MARCHF10: variants seen among roughly 807,000 people sequenced by gnomAD.
MARCHF10 encodes probable E3 ubiquitin-protein ligase MARCHF10.
MARCHF10 carries 64 observed loss-of-function variants against 76.2 expected under a neutral mutation model. The observed-to-expected ratio is 0.84, with a 90% confidence interval of 0.69 to 1.03. The LOEUF (loss-of-function observed/expected upper bound fraction) is 1.03. Among genes scored for constraint, MARCHF10 ranks in the 50% least tolerant of loss-of-function variants. The probability of loss-of-function intolerance (pLI) is 0.00; values close to 1 mark genes in which losing one functional copy is unlikely to be tolerated. For synonymous variants in MARCHF10, 340 were observed against 357.5 expected (o/e 0.95, Z 0.55); for missense variants, 875 against 958.0 (o/e 0.91, Z 1.14).
chr17:62,736,681 G>T lies in MARCHF10; in HGVS notation c.1187C>A (p.Ala396Glu). The T allele has an allele frequency of 6.2e-7, 1 of 1,614,032 alleles. No individual in the cohort carries two copies. The highest frequency in any genetic ancestry group is 8.5e-7 in the Non-Finnish European group (1 of 1,180,002). Reference protein sequence around the residue: ...TEKDRGGSENAKKSPLSWDTK... With the variant: ...TEKDRGGSENEKKSPLSWDTK... ...GTCCCACGAAAGAGGGCTCTTTTTC[G>T]CATTTTCACTGCCACCTCTGTCCTT... Residue 396 changes from alanine to glutamate, a missense_variant, in exon 6 of 11, where the codon GCG (alanine) becomes GAG (glutamate). Ala to Glu is a moderately radical substitution (Grantham distance 107). Coordinates refer to ENST00000311269, the MANE Select transcript of MARCHF10 (RefSeq NM_152598.4).
intron 9 of MARCHF10, among the ~76,000 whole-genome samples, chr17:62,708,389 G>A (rs1207798980): frequency 6.6e-6 from 1 of 152,088 alleles, no homozygotes; most frequent in African/African-American, 2.4e-5. Flanking sequence ...GGGGCTACAG[G>A]TGCACGCTGC....
At chr17:62,710,550 C>CTTTTTTTTTTTT (rs552647502) in intron 9 of MARCHF10, among the ~76,000 whole-genome samples, 2 of 88,620 alleles carry the variant, frequency 2.3e-5, no homozygotes, top group African/African-American at 1.0e-4. Context: ...TTGAACCCAG[C>CTTTTTTTTTTTT]TTTTTTTTTT....
intron 8 of MARCHF10, among the ~76,000 whole-genome samples, chr17:62,716,501 T>C (rs1302083321): frequency 6.6e-6 from 1 of 151,698 alleles, no homozygotes; most frequent in Non-Finnish European, 1.5e-5. Flanking sequence ...CTTAGGAGGC[T>C]GAGGCAGGAG....
At chr17:62,794,636 A>G (rs1394674015) in intron 2 of MARCHF10, among the ~76,000 whole-genome samples, 2 of 152,040 alleles carry the variant, frequency 1.3e-5, no homozygotes, top group African/African-American at 2.4e-5. Context: ...TTCATTATCA[A>G]TCTGATCCCT....
At chr17:62,756,109 A>C (rs899540428) in intron 4 of MARCHF10, among the ~76,000 whole-genome samples, 3 of 152,114 alleles carry the variant, frequency 2.0e-5, no homozygotes, top group African/African-American at 7.2e-5. Context: ...TTAGCTGGGC[A>C]TGGTGGCGCA....
At chr17:62,800,584 C>G (rs2093055101) in intron 2 of MARCHF10, among the ~76,000 whole-genome samples, 1 of 152,120 alleles carries the variant, frequency 6.6e-6, no homozygotes, top group African/African-American at 2.4e-5. Context: ...GACCTGGGAG[C>G]TTTAGTTATA....
chr17:62,737,027 A>T lies in MARCHF10; in HGVS notation c.841T>A (p.Ser281Thr), dbSNP rs2091300311. ...FRDEDFYSILSLNSRRESDDT... is the reference protein window; with the variant it reads ...FRDEDFYSILTLNSRRESDDT... The stretch of plus-strand genomic sequence containing the variant: ...TCGCTTTCTCTTCTGCTGTTCAATG[A>T]CAAAATGGAATAAAAGTCTTCATCT... Residue 281 changes from serine to threonine, a missense_variant, in exon 6 of 11, where the codon TCA becomes ACA. By Grantham distance (58) the Ser-to-Thr change is moderately conservative. Coordinates refer to ENST00000311269, the MANE Select transcript of MARCHF10 (RefSeq NM_152598.4). 6.2e-7 allele frequency: 1 copy of T among 1,613,980 alleles called. No individual in the cohort carries two copies. The highest frequency in any genetic ancestry group is 1.3e-5 in the African/African-American group (1 of 74,880).
At chr17:62,763,903 C>T (rs1037131507) in intron 3 of MARCHF10, among the ~76,000 whole-genome samples, 3 of 152,190 alleles carry the variant, frequency 2.0e-5, no homozygotes, top group Non-Finnish European at 4.4e-5. Flanking sequence ...ACTTGCTCTA[C>T]TGGCCTCATG....
intron 6 of MARCHF10, among the ~76,000 whole-genome samples, chr17:62,734,532 G>A (rs1361284880): frequency 1.3e-5 from 2 of 152,114 alleles, no homozygotes; most frequent in African/African-American, 4.8e-5. Context: ...TGAGAAATAG[G>A]ATTAGATATT....
intron 8 of MARCHF10, among the ~76,000 whole-genome samples, chr17:62,717,142 G>A (rs899834989): frequency 1.3e-5 from 2 of 152,250 alleles, no homozygotes; most frequent in Non-Finnish European, 2.9e-5. Flanking sequence ...TTCAGAATTC[G>A]CCCAAGTCAG....
chr17:62,770,851 CTTTTTTT>C (rs35064058), intron 3 of MARCHF10, among the ~76,000 whole-genome samples: 2 of 83,628 alleles, frequency 2.4e-5, no homozygotes, highest in South Asian at 4.2e-4. Flanking sequence ...TGTATTTTGA[CTTTTTTT>C]TTTTTTTTTT....
chr17:62,706,338 A>T (rs1454433155), intron 9 of MARCHF10: 1 of 152,212 alleles, frequency 6.6e-6, no homozygotes, highest in Non-Finnish European at 1.5e-5. Context: ...TAAATTATGC[A>T]TCAGGACTGG....
At chr17:62,793,477 A>ACCACCACCACCTCCATCACCACCG (rs1356079080) in intron 2 of MARCHF10, among the ~76,000 whole-genome samples, 1 of 126,622 alleles carries the variant, frequency 7.9e-6, no homozygotes, top group African/African-American at 3.1e-5. Flanking sequence ...CACCACCATC[A>ACCACCACCACCTCCATCACCACCG]CCACCACCTC....
chr17:62,722,188 T>C (rs1007818355), intron 8 of MARCHF10, among the ~76,000 whole-genome samples: 2 of 141,222 alleles, frequency 1.4e-5, no homozygotes, highest in Admixed American at 1.6e-4. Flanking sequence ...GAGGCTGAGG[T>C]GGGAGGATCG....
chr17:62,734,188 A>G (rs750394894), intron 6 of MARCHF10, among the ~76,000 whole-genome samples: 1 of 152,166 alleles, frequency 6.6e-6, no homozygotes, highest in Non-Finnish European at 1.5e-5. Flanking sequence ...CCTCAAGAAA[A>G]AAAAACAAAA....
intron 5 of MARCHF10, among the ~76,000 whole-genome samples, chr17:62,740,842 G>C (rs1599174666): frequency 1.3e-5 from 2 of 151,874 alleles, no homozygotes. Context: ...TGCCCAGTCT[G>C]GTCTTGAACC....
At chr17:62,797,735 T>C (rs1025925077) in intron 2 of MARCHF10, among the ~76,000 whole-genome samples, 21 of 152,200 alleles carry the variant, frequency 1.4e-4, no homozygotes, top group African/African-American at 5.1e-4. Context: ...TCCAATGGTA[T>C]CGCCACATTT....
At chr17:62,788,328 C>T in intron 3 of MARCHF10, 152 bp downstream of exon 3, 1 of 1,034,304 alleles carries the variant, frequency 9.7e-7, no homozygotes, top group Non-Finnish European at 1.4e-6. Flanking sequence ...CCCTAGGCTC[C>T]TTCCTGCCCC....
At chr17:62,751,354 C>G (rs2091892907) in intron 4 of MARCHF10, among the ~76,000 whole-genome samples, 1 of 152,164 alleles carries the variant, frequency 6.6e-6, no homozygotes, top group Admixed American at 6.5e-5. Flanking sequence ...GGTTCACAGA[C>G]CAGCCACATC....
Sources: allele counts gnomAD v4.1 joint callset (sites outside exome capture counted in the v4.1 genomes callset), GRCh38; gene constraint gnomAD v4.1.1; transcripts MANE v1.5; gene names NCBI Gene and HGNC (gene_info 2026-07-23, HGNC 2026-07-21).